Variants in SCN3A observed in about 807,000 individuals in gnomAD.
SCN3A encodes sodium voltage-gated channel alpha subunit 3.
Under a neutral mutation model 187.6 loss-of-function variants are expected in SCN3A, and 60 were observed. That is an observed-to-expected ratio of 0.32 (90% CI 0.26 to 0.40). The LOEUF is 0.40. Ranked by LOEUF, SCN3A falls within the 10% of genes least tolerant of loss-of-function variation. The pLI is 1.00. For missense variants in SCN3A, 1,601 were observed against 2,428.2 expected (o/e 0.66, Z 7.16); for synonymous variants, 788 against 829.2 (o/e 0.95, Z 0.85).
chr2:165,183,798 T>G (rs1273442051), intron 2 of SCN3A, among the ~76,000 whole-genome samples: 1 of 152,148 alleles, frequency 6.6e-6, no homozygotes, highest in Non-Finnish European at 1.5e-5. Flanking sequence ...GAAACAAGAT[T>G]GTGTCAGAAG....
At chr2:165,143,552 A>C (rs1688143663) in intron 12 of SCN3A, among the ~76,000 whole-genome samples, 1 of 152,228 alleles carries the variant, frequency 6.6e-6, no homozygotes, top group Admixed American at 6.5e-5. Context: ...TAACAGAAAT[A>C]GCATTCAGAG....
intron 1 of SCN3A, among the ~76,000 whole-genome samples, chr2:165,192,113 A>C (rs1037130306): frequency 6.6e-6 from 1 of 152,130 alleles, no homozygotes; most frequent in Non-Finnish European, 1.5e-5. Flanking sequence ...ATGATAAAAC[A>C]TAAAAGGACT....
chr2:165,146,860 T>G lies in SCN3A; in HGVS notation c.1550A>C (p.Lys517Thr). ...RQREHLEGNN[K>T]GERDSFPKSE... The stretch of plus-strand genomic sequence containing the variant: ...TTTGGGAAAGCTGTCTCTCTCTCCT[T>G]TGTTGTTTCCTTCAAGGTGCTCTCT... The change falls in exon 12 of 28, where the codon AAA (lysine) becomes ACA (threonine). Residue 517 changes from lysine to threonine, a missense_variant. Lys to Thr is a moderately conservative substitution (Grantham distance 78). This residue lies in a region of SCN3A where 376 missense variants were observed against 476.0 expected (regional missense o/e 0.79). Coordinates refer to ENST00000283254, the MANE Select transcript of SCN3A (RefSeq NM_006922.4). 8.1e-6 allele frequency: 13 copies of G among 1,614,096 alleles called. No individual in the cohort carries two copies. The highest frequency in any genetic ancestry group is 1.1e-5 in the Non-Finnish European group (13 of 1,179,976).
At chr2:165,127,577 T>C in intron 18 of SCN3A, 54 bp downstream of exon 18, 2 of 1,344,364 alleles carry the variant, frequency 1.5e-6, no homozygotes, top group Non-Finnish European at 2.1e-6. Context: ...AGTAAATAAC[T>C]GTAGTACATG....
chr2:165,145,459 G>C (rs1168914708), intron 12 of SCN3A, among the ~76,000 whole-genome samples: 1 of 151,992 alleles, frequency 6.6e-6, no homozygotes, highest in East Asian at 1.9e-4. Context: ...GATGTTATCT[G>C]CAGAAAAATG....
intron 5 of SCN3A, among the ~76,000 whole-genome samples, chr2:165,164,995 A>G (rs1689657551): frequency 6.6e-6 from 1 of 152,184 alleles, no homozygotes; most frequent in Admixed American, 6.6e-5. Flanking sequence ...TTCCATAGCC[A>G]TATGTGGCTA....
chr2:165,169,514 C>T (rs902187471), intron 4 of SCN3A, among the ~76,000 whole-genome samples: 9 of 151,836 alleles, frequency 5.9e-5, no homozygotes, highest in African/African-American at 1.9e-4. Context: ...AGCTGTAGTA[C>T]GTTCTCTTGG....
chr2:165,108,138 T>C (rs1685947053), intron 21 of SCN3A, among the ~76,000 whole-genome samples: 1 of 152,164 alleles, frequency 6.6e-6, no homozygotes, highest in Non-Finnish European at 1.5e-5. Context: ...GGTAGTAATT[T>C]TCACTATTAT....
chr2:165,125,803 A>G (rs1206910240), intron 18 of SCN3A, among the ~76,000 whole-genome samples: 1 of 152,178 alleles, frequency 6.6e-6, no homozygotes, highest in African/African-American at 2.4e-5. Context: ...ATTTCTTCTT[A>G]CATAAATTCA....
At position 165,129,009 on chromosome 2, in the gene SCN3A, G is replaced by A. The variant is rs548030481; in HGVS notation, c.2923-908C>T. ...TTCAGAATATGTTACACTATAGGAA[G>A]ACATGCAAGGCAAAAGCCCCAGTTT... On this transcript the variant is annotated intron_variant, in intron 17 of 27. Coordinates refer to ENST00000283254, the MANE Select transcript of SCN3A (RefSeq NM_006922.4). Among the ~76,000 whole-genome samples the A allele has an allele frequency of 2.0e-3, 297 of 152,286 alleles. 1 individual carries two copies. Among genetic ancestry groups the A allele is most frequent in the African/African-American group, 6.4e-3 (265 of 41,568 alleles).
intron 14 of SCN3A, 101 bp from the exon 15 acceptor site, chr2:165,138,218 G>T: frequency 1.2e-6 from 1 of 828,678 alleles, no homozygotes. Context: ...GCTTATATTT[G>T]AAAATAGAAG....
At chr2:165,126,127 C>T (rs972787884) in intron 18 of SCN3A, among the ~76,000 whole-genome samples, 1 of 152,124 alleles carries the variant, frequency 6.6e-6, no homozygotes, top group African/African-American at 2.4e-5. Context: ...AAAATATGCT[C>T]ACGAAATCAG....
chr2:165,105,627 G>A (rs549848982), intron 21 of SCN3A, among the ~76,000 whole-genome samples: 1 of 152,228 alleles, frequency 6.6e-6, no homozygotes, highest in Admixed American at 6.5e-5. Flanking sequence ...AGCTGGGGTG[G>A]GTAAGGTGTA....
rs985953257 is a variant in SCN3A, at chr2:165,087,810, T to C, written c.*2340A>G. The C allele has an allele frequency of 1.3e-5, 2 of 152,154 alleles. No individual in the cohort carries two copies. The highest frequency in any genetic ancestry group is 2.4e-5 in the African/African-American group (1 of 41,452). 9.4% of individuals were successfully genotyped at this position (152,154 alleles called of 1,614,324 possible). A position where few individuals can be genotyped will look rare whatever the true frequency, so the allele number is the denominator to read the frequency against. ...TAATTAGGAGATAGCATCAATTATA[T>C]TGAAAGAAGATGAGTTTAGATGCTT... is the stretch of plus-strand genomic sequence containing the variant. On this transcript the variant is annotated 3_prime_UTR_variant, in exon 28 of 28. Coordinates refer to ENST00000283254, the MANE Select transcript of SCN3A (RefSeq NM_006922.4).
At chr2:165,123,826 T>C (rs941134782) in intron 18 of SCN3A, among the ~76,000 whole-genome samples, 1 of 152,166 alleles carries the variant, frequency 6.6e-6, no homozygotes, top group Admixed American at 6.5e-5. Context: ...CTCTATGATA[T>C]TAGAACATGC....
intron 21 of SCN3A, among the ~76,000 whole-genome samples, chr2:165,109,384 A>T (rs1313210219): frequency 6.6e-6 from 1 of 152,190 alleles, no homozygotes; most frequent in Non-Finnish European, 1.5e-5. Context: ...AAAGTTCAGT[A>T]CCTTGTTTTG....
intron 17 of SCN3A, among the ~76,000 whole-genome samples, chr2:165,128,866 G>C (rs1687149384): frequency 6.6e-6 from 1 of 152,100 alleles, no homozygotes; most frequent in Admixed American, 6.5e-5. Flanking sequence ...TGGGATATGT[G>C]AAAAAGTTAC....
At chr2:165,151,080 A>G (rs1005124072) in intron 11 of SCN3A, among the ~76,000 whole-genome samples, 1 of 152,206 alleles carries the variant, frequency 6.6e-6, no homozygotes, top group African/African-American at 2.4e-5. Context: ...TTCTGTATAA[A>G]ATCAATAAGG....
intron 21 of SCN3A, among the ~76,000 whole-genome samples, chr2:165,109,269 G>A (rs1686003503): frequency 1.3e-5 from 2 of 151,986 alleles, no homozygotes; most frequent in African/African-American, 4.8e-5. Flanking sequence ...CTCTGCCTAG[G>A]TGAGCTAAAA....
Sources: allele counts gnomAD v4.1 joint callset (sites outside exome capture counted in the v4.1 genomes callset), GRCh38; gene constraint gnomAD v4.1.1; regional missense constraint gnomAD v4.1.1; transcripts MANE v1.5; gene names NCBI Gene and HGNC (gene_info 2026-07-23, HGNC 2026-07-21).